The following SLC4A10 variants were observed in gnomAD, a reference collection of about 807,000 sequenced individuals.
The protein encoded by SLC4A10 is sodium-driven chloride bicarbonate exchanger.
SLC4A10 carries 42 observed loss-of-function variants against 137.7 expected under a neutral mutation model. The ratio of observed to expected loss-of-function variants is 0.30; its 90% CI spans 0.24 to 0.39. The LOEUF (loss-of-function observed/expected upper bound fraction) is 0.39, where lower values mean the gene tolerates loss of function less well. SLC4A10 is among the 10% of genes least tolerant of loss of function. The pLI is 1.00. For missense variants in SLC4A10, 925 were observed against 1,355.0 expected (o/e 0.68, Z 4.98); for synonymous variants, 474 against 464.1 (o/e 1.02, Z -0.27).
At chr2:161,949,708 A>G (rs1694452987) in intron 18 of SLC4A10, among the ~76,000 whole-genome samples, 1 of 151,998 alleles carries the variant, frequency 6.6e-6, no homozygotes, top group South Asian at 2.1e-4. Flanking sequence ...GAAGTGTTTC[A>G]GAGTTCATTT....
chr2:161,698,119 G>C (rs2042736801), intron 1 of SLC4A10, among the ~76,000 whole-genome samples: 1 of 152,062 alleles, frequency 6.6e-6, no homozygotes, highest in Admixed American at 6.6e-5. Flanking sequence ...GTCTGTTATT[G>C]GTGTATAAGA....
chr2:161,852,715 A>C (rs2059899063), intron 4 of SLC4A10, among the ~76,000 whole-genome samples: 2 of 152,204 alleles, frequency 1.3e-5, no homozygotes, highest in Admixed American at 6.5e-5. Context: ...TTCAATTCAA[A>C]TTACTATATT....
intron 3 of SLC4A10, among the ~76,000 whole-genome samples, chr2:161,829,075 G>T (rs1243313265): frequency 6.6e-6 from 1 of 151,458 alleles, no homozygotes; most frequent in East Asian, 1.9e-4. Flanking sequence ...TGTCCTTAAT[G>T]CTGGTGTGGC....
At chr2:161,798,810 A>G (rs1364081160) in intron 2 of SLC4A10, among the ~76,000 whole-genome samples, 1 of 150,494 alleles carries the variant, frequency 6.6e-6, no homozygotes, top group Non-Finnish European at 1.5e-5. Context: ...TGAATTCTGT[A>G]TAGGCCTTCA....
chr2:161,958,374 T>C (rs1438827770), intron 20 of SLC4A10, 113 bp from the exon 21 acceptor site: 3 of 772,670 alleles, frequency 3.9e-6, no homozygotes, highest in Non-Finnish European at 6.5e-6. Flanking sequence ...GAATCTGTAC[T>C]ATACTGTTTC....
chr2:161,736,342 A>G (rs368914833), intron 1 of SLC4A10, among the ~76,000 whole-genome samples: 4 of 152,338 alleles, frequency 2.6e-5, no homozygotes, highest in East Asian at 3.9e-4. Context: ...ATAAAATCCC[A>G]GTTAAGACAA....
intron 1 of SLC4A10, among the ~76,000 whole-genome samples, chr2:161,734,328 A>G (rs967247915): frequency 6.6e-5 from 10 of 152,116 alleles, no homozygotes; most frequent in Admixed American, 3.9e-4. Context: ...CACATTCCCT[A>G]CTACTGTTCT....
chr2:161,773,168 CT>C (rs2051868102), intron 2 of SLC4A10, among the ~76,000 whole-genome samples: 1 of 151,836 alleles, frequency 6.6e-6, no homozygotes, highest in Admixed American at 6.6e-5. Context: ...TGGTGAGGAC[CT>C]TTGTGCTGTA....
chr2:161,660,556 A>ATTTCTTTCTTTCTTTC (rs574482342), intron 1 of SLC4A10, among the ~76,000 whole-genome samples: 132 of 110,432 alleles, frequency 1.2e-3, no homozygotes, highest in Admixed American at 1.6e-3. Flanking sequence ...ACTCATCTAT[A>ATTTCTTTCTTTCTTTC]TTTCTTTCTT....
At chr2:161,827,704 T>A (rs2058109014) in intron 3 of SLC4A10, among the ~76,000 whole-genome samples, 1 of 151,612 alleles carries the variant, frequency 6.6e-6, no homozygotes, top group African/African-American at 2.4e-5. Context: ...TAGCTGGGAC[T>A]ACAGGCACGC....
chr2:161,774,527 A>C (rs528120060), intron 2 of SLC4A10, among the ~76,000 whole-genome samples: 1 of 151,750 alleles, frequency 6.6e-6, no homozygotes, highest in Admixed American at 6.6e-5. Flanking sequence ...GCTTATACCT[A>C]CGTTCCTCCC....
intron 23 of SLC4A10, among the ~76,000 whole-genome samples, chr2:161,971,188 T>G (rs1260492817): frequency 6.6e-6 from 1 of 152,272 alleles, no homozygotes; most frequent in Non-Finnish European, 1.5e-5. Context: ...GTTAACTGTG[T>G]GCATAGCACA....
At chr2:161,822,701 G>A (rs1021861351) in intron 3 of SLC4A10, among the ~76,000 whole-genome samples, 4 of 152,156 alleles carry the variant, frequency 2.6e-5, no homozygotes, top group Non-Finnish European at 4.4e-5. Context: ...TGGGCCAGGC[G>A]CAGTGGCTCA....
chr2:161,935,642 A>G (rs904261270), intron 15 of SLC4A10, among the ~76,000 whole-genome samples: 1 of 152,144 alleles, frequency 6.6e-6, no homozygotes, highest in African/African-American at 2.4e-5. Context: ...TTTGGTAACT[A>G]TTGCAAACAG....
At position 161,904,675 on chromosome 2, in the gene SLC4A10, GAAGCACA is replaced by G. The variant is rs892094269; in HGVS notation, c.1618-93_1618-87del. 2.8e-6 allele frequency: 4 copies of G among 1,419,752 alleles called. No homozygotes were observed. The Admixed American group carries it at 6.3e-5, about 22-fold the overall frequency. The allele number at this position is 1,419,752 out of a possible 1,614,324, so 87.9% of individuals were successfully genotyped here. On this transcript the variant is annotated intron_variant, in intron 13 of 26. Coordinates refer to ENST00000446997, the MANE Select transcript of SLC4A10 (RefSeq NM_001178015.2). ...CCAGGGTTGCTAGACTTTTCAGGGT[GAAGCACA>G]AAGCACATATCCATGTATTTTAAAT...
At chr2:161,930,639 A>T (rs1440072748) in intron 15 of SLC4A10, among the ~76,000 whole-genome samples, 1 of 151,814 alleles carries the variant, frequency 6.6e-6, no homozygotes, top group Admixed American at 6.6e-5. Context: ...AAAGGGGCAG[A>T]ATCAGTATTC....
chr2:161,959,170 T>C (rs545475491), intron 21 of SLC4A10, among the ~76,000 whole-genome samples: 16 of 152,226 alleles, frequency 1.1e-4, no homozygotes, highest in Non-Finnish European at 1.8e-4. Context: ...TTTGTTGAGA[T>C]AGTGATATCC....
At chr2:161,701,264 G>GT (rs934499098) in intron 1 of SLC4A10, among the ~76,000 whole-genome samples, 1 of 151,866 alleles carries the variant, frequency 6.6e-6, no homozygotes, top group Admixed American at 6.6e-5. Flanking sequence ...TCTTTTAGGT[G>GT]TTTTTTGCTG....
At chr2:161,931,740 A>T (rs573591068) in intron 15 of SLC4A10, among the ~76,000 whole-genome samples, 1 of 152,324 alleles carries the variant, frequency 6.6e-6, no homozygotes, top group South Asian at 2.1e-4. Flanking sequence ...AAGATAACTT[A>T]GAAGAGCGAC....
Sources: gnomAD v4.1 joint callset for allele counts (sites outside exome capture counted in the v4.1 genomes callset) on GRCh38, gnomAD v4.1.1 for gene constraint, MANE v1.5 for transcripts, NCBI Gene and HGNC (gene_info 2026-07-23, HGNC 2026-07-21) for gene names.